SDK1: variants seen among roughly 807,000 people sequenced by gnomAD.
SDK1 encodes protein sidekick-1.
Under a neutral mutation model 245.5 loss-of-function variants are expected in SDK1, and 157 were observed. The observed-to-expected ratio is 0.64, with a 90% CI of 0.56 to 0.73. The LOEUF is 0.73. SDK1 is among the 30% of genes least tolerant of loss of function. The probability of loss-of-function intolerance (pLI) is 0.00; values close to 1 mark genes in which losing one functional copy is unlikely to be tolerated. For missense variants in SDK1, 3,583 were observed against 3,002.3 expected (o/e 1.19, Z -4.52); for synonymous variants, 1,647 against 1,278.5 (o/e 1.29, Z -6.15).
chr7:3,670,815 T>C (rs1783677726), intron 4 of SDK1, among the ~76,000 whole-genome samples: 1 of 152,182 alleles, frequency 6.6e-6, no homozygotes, highest in Non-Finnish European at 1.5e-5. Flanking sequence ...TCAGTTAACA[T>C]TTACTGTTTT....
chr7:3,332,391 C>G (rs1382318908), intron 1 of SDK1, among the ~76,000 whole-genome samples: 11 of 152,124 alleles, frequency 7.2e-5, no homozygotes, highest in Non-Finnish European at 1.6e-4. Context: ...TATATCTTAT[C>G]TGTATGTAAA....
At chr7:3,558,717 T>A (rs969065721) in intron 1 of SDK1, among the ~76,000 whole-genome samples, 5 of 152,370 alleles carry the variant, frequency 3.3e-5, no homozygotes, top group African/African-American at 9.6e-5. Context: ...AAATGGCAGT[T>A]AAATCATGAA....
chr7:3,547,974 T>G (rs190439814), intron 1 of SDK1, among the ~76,000 whole-genome samples: 1 of 152,350 alleles, frequency 6.6e-6, no homozygotes, highest in Admixed American at 6.5e-5. Context: ...ACCTGATTCT[T>G]CCTTCTGTTC....
chr7:3,853,326 C>A (rs1780464152), intron 5 of SDK1, among the ~76,000 whole-genome samples: 1 of 152,100 alleles, frequency 6.6e-6, no homozygotes, highest in African/African-American at 2.4e-5. Context: ...CTATTAAGTA[C>A]CAGCTGCTGG....
chr7:4,261,881 T>C (rs6947700), intron 44 of SDK1, among the ~76,000 whole-genome samples: 91,395 of 151,570 alleles, frequency 0.6, 29,473 homozygotes, highest in African/African-American at 0.84. Flanking sequence ...CCTAGGAGCC[T>C]GGGAAGCTGT....
intron 4 of SDK1, among the ~76,000 whole-genome samples, chr7:3,788,423 G>A (rs1055603720): frequency 6.6e-6 from 1 of 152,096 alleles, no homozygotes; most frequent in Non-Finnish European, 1.5e-5. Flanking sequence ...GGATAAGGTG[G>A]GGTAGAACAA....
At position 4,089,056 on chromosome 7, in the gene SDK1, C is replaced by A. The variant is rs146246168; in HGVS notation, c.3324+9472C>A. On this transcript the variant is annotated intron_variant, in intron 22 of 44. Coordinates refer to ENST00000404826, the MANE Select transcript of SDK1 (RefSeq NM_152744.4). ...CCCCTCAGATGGAGGTGAGACTCTCCCTCAGGTGGAGGTGAGACCCTCCCT... is the reference window on the plus strand; with the variant it reads ...CCCCTCAGATGGAGGTGAGACTCTCACTCAGGTGGAGGTGAGACCCTCCCT... 3.3e-5 allele frequency among the ~76,000 whole-genome samples: 5 copies of A among 151,388 alleles called. No homozygotes were observed. The East Asian group carries it at 9.8e-4, about 30-fold the overall frequency.
At chr7:3,411,851 T>C (rs1363006551) in intron 1 of SDK1, among the ~76,000 whole-genome samples, 1 of 152,156 alleles carries the variant, frequency 6.6e-6, no homozygotes, top group African/African-American at 2.4e-5. Context: ...TGGGACTTTG[T>C]TCACTAGGTA....
At chr7:3,441,270 A>G (rs574610322) in intron 1 of SDK1, among the ~76,000 whole-genome samples, 6 of 150,764 alleles carry the variant, frequency 4.0e-5, no homozygotes, top group African/African-American at 1.5e-4. Flanking sequence ...AAAAAACAGT[A>G]TATATAGGGT....
intron 5 of SDK1, among the ~76,000 whole-genome samples, chr7:3,851,558 G>A (rs1780420117): frequency 6.6e-6 from 1 of 151,150 alleles, no homozygotes; most frequent in Admixed American, 6.6e-5. Context: ...ATTGAGATCA[G>A]TAATATCTTG....
chr7:3,824,580 C>T (rs915105393), intron 5 of SDK1, among the ~76,000 whole-genome samples: 2 of 152,056 alleles, frequency 1.3e-5, no homozygotes, highest in Non-Finnish European at 2.9e-5. Flanking sequence ...TAGAGTGGAG[C>T]GGCAACCAGG....
In SDK1 at chr7:4,241,775, T is replaced by A. The variant is rs776444609; in HGVS notation, c.6131-18T>A. 1 of 1,613,984 alleles carries A rather than the reference T, an allele frequency of 6.2e-7. No individual in the cohort carries two copies. Among genetic ancestry groups the A allele is most frequent in the East Asian group, 2.2e-5 (1 of 44,860 alleles). On this transcript the variant is annotated intron_variant, in intron 42 of 44. Coordinates refer to ENST00000404826, the MANE Select transcript of SDK1 (RefSeq NM_152744.4). ...ACACCAGTAACACGTCTGTTCTCACTCTCCTGCTGGGCTTTAGGAAAGGGG... is the reference window on the plus strand; with the variant it reads ...ACACCAGTAACACGTCTGTTCTCACACTCCTGCTGGGCTTTAGGAAAGGGG...
At chr7:3,515,622 C>A (rs182905360) in intron 1 of SDK1, among the ~76,000 whole-genome samples, 56 of 152,242 alleles carry the variant, frequency 3.7e-4, no homozygotes, top group African/African-American at 1.3e-3. Context: ...AAATTTAAAA[C>A]TGAAGGAACA....
intron 1 of SDK1, among the ~76,000 whole-genome samples, chr7:3,606,161 G>A (rs1040852997): frequency 6.6e-6 from 1 of 151,988 alleles, no homozygotes; most frequent in South Asian, 2.1e-4. Flanking sequence ...TTCCCATTTC[G>A]GGAAATGACA....
At chr7:3,383,650 T>C (rs1285059926) in intron 1 of SDK1, among the ~76,000 whole-genome samples, 3 of 152,162 alleles carry the variant, frequency 2.0e-5, no homozygotes, top group Non-Finnish European at 4.4e-5. Context: ...AAGAATTCTT[T>C]AAAGAGGCAT....
chr7:3,609,676 A>T (rs181367573), intron 1 of SDK1, among the ~76,000 whole-genome samples: 14 of 151,912 alleles, frequency 9.2e-5, no homozygotes, highest in South Asian at 6.2e-4. Context: ...CTGGGATTAT[A>T]GGCGTAAGCT....
Position 4,265,904 on chromosome 7 carries a change from G to A in SDK1, c.*520G>A, listed in dbSNP as rs1040275213. The A allele has an allele frequency of 7.1e-6, 7 of 986,256 alleles. No homozygotes were observed. Among genetic ancestry groups the A allele is most frequent in the South Asian group, 4.7e-5 (1 of 21,312 alleles). The allele number at this position is 986,256 out of a possible 1,614,324, so 61.1% of individuals were successfully genotyped here. A position where few individuals can be genotyped will look rare whatever the true frequency, so the allele number is the denominator to read the frequency against. ...AAACGTTTTTCCCTGGGCTCAGTGCGTTTTGTCCCAACTTCATCTGTTTCT... is the reference window on the plus strand; with the variant it reads ...AAACGTTTTTCCCTGGGCTCAGTGCATTTTGTCCCAACTTCATCTGTTTCT... On this transcript the variant is annotated 3_prime_UTR_variant, in exon 45 of 45. Coordinates refer to ENST00000404826, the MANE Select transcript of SDK1 (RefSeq NM_152744.4).
At chr7:4,112,382 G>T (rs1303235426) in intron 23 of SDK1, among the ~76,000 whole-genome samples, 1 of 152,190 alleles carries the variant, frequency 6.6e-6, no homozygotes, top group African/African-American at 2.4e-5. Context: ...AAGCAGGTTT[G>T]CCCTAACGCA....
chr7:3,327,328 G>C (rs1183175052), intron 1 of SDK1, among the ~76,000 whole-genome samples: 1 of 152,024 alleles, frequency 6.6e-6, no homozygotes, highest in African/African-American at 2.4e-5. Flanking sequence ...AAGGTTTCAG[G>C]GATAACAAGG....
Sources: allele counts gnomAD v4.1 joint callset (sites outside exome capture counted in the v4.1 genomes callset), GRCh38; gene constraint gnomAD v4.1.1; transcripts MANE v1.5; gene names NCBI Gene and HGNC (gene_info 2026-07-23, HGNC 2026-07-21).